GPRASP3: variants seen among roughly 807,000 people sequenced by gnomAD.
The protein encoded by GPRASP3 is G protein-coupled receptor associated sorting protein 3.
the GPRASP3 span, chrX:102,748,832 G>A: frequency 6.0e-6 from 3 of 502,879 alleles, no homozygotes; most frequent in Non-Finnish European, 9.8e-6. Flanking sequence ...GACAGAGGCT[G>A]TATGTTTGGA....
the GPRASP3 span, among the ~76,000 whole-genome samples, chrX:102,721,370 G>A: frequency 2.7e-5 from 3 of 111,757 alleles, no homozygotes; most frequent in African/African-American, 9.8e-5. Context: ...GCAGTATTCA[G>A]GCAGTGGGGA....
the GPRASP3 span, among the ~76,000 whole-genome samples, chrX:102,744,888 A>G: frequency 3.6e-5 from 4 of 111,827 alleles, no homozygotes; most frequent in Non-Finnish European, 7.5e-5. Flanking sequence ...ACCGTCTACA[A>G]TGTGCTGAGA....
the GPRASP3 span, among the ~76,000 whole-genome samples, chrX:102,740,704 C>T: frequency 9.1e-6 from 1 of 109,910 alleles, no homozygotes; most frequent in East Asian, 2.8e-4. Context: ...CAGGATACCA[C>T]AGAGAAGGAA....
the GPRASP3 span, among the ~76,000 whole-genome samples, chrX:102,738,816 G>A: frequency 4.5e-5 from 5 of 111,923 alleles, no homozygotes; most frequent in Admixed American, 3.8e-4. Context: ...TTTTGCCAAG[G>A]TTGAGGACAC....
At chrX:102,727,175 G>A in the GPRASP3 span, among the ~76,000 whole-genome samples, 3 of 112,541 alleles carry the variant, frequency 2.7e-5, no homozygotes, top group East Asian at 2.8e-4. Context: ...AAGTACTGAC[G>A]TAGGGCAGCC....
chrX:102,728,318 C>T, the GPRASP3 span, among the ~76,000 whole-genome samples: 1 of 111,600 alleles, frequency 9.0e-6, no homozygotes, highest in South Asian at 3.8e-4. Context: ...TCCCAAAGTG[C>T]TGGAATCACA....
At chrX:102,728,912 A>G in the GPRASP3 span, among the ~76,000 whole-genome samples, 1 of 112,048 alleles carries the variant, frequency 8.9e-6, no homozygotes, top group African/African-American at 3.3e-5. Context: ...GGCATAGGAC[A>G]GTTGACTACC....
chrX:102,721,778 C>A, the GPRASP3 span, among the ~76,000 whole-genome samples: 7 of 111,105 alleles, frequency 6.3e-5, no homozygotes, highest in African/African-American at 2.3e-4. Context: ...GGATAGTCTC[C>A]TAAGTTTCCC....
chrX:102,745,380 A>T, the GPRASP3 span, among the ~76,000 whole-genome samples: 19 of 111,609 alleles, frequency 1.7e-4, no homozygotes, highest in African/African-American at 6.2e-4. Flanking sequence ...CTTCTGTTAG[A>T]AGAGGGGCAG....
the GPRASP3 span, among the ~76,000 whole-genome samples, chrX:102,724,718 G>GGTGTGTGTGTGTGTGT: frequency 7.1e-5 from 7 of 98,830 alleles, 1 homozygote; most frequent in Admixed American, 3.3e-4. Flanking sequence ...CAGGGTGACT[G>GGTGTGTGTGTGTGTGT]GTGTGTGTGT....
the GPRASP3 span, among the ~76,000 whole-genome samples, chrX:102,739,871 T>A: frequency 1.8e-5 from 2 of 111,635 alleles, no homozygotes; most frequent in Non-Finnish European, 3.8e-5. Flanking sequence ...GTGCCTTTGC[T>A]GCTGCAGAAA....
chrX:102,744,458 A>T, the GPRASP3 span, among the ~76,000 whole-genome samples: 1,230 of 111,798 alleles, frequency 0.011, 22 homozygotes, highest in African/African-American at 0.038. Context: ...AAGAATCATA[A>T]CCTAGAGTGA....
the GPRASP3 span, among the ~76,000 whole-genome samples, chrX:102,745,656 G>A: frequency 2.7e-5 from 3 of 111,435 alleles, no homozygotes; most frequent in Admixed American, 1.9e-4. Flanking sequence ...GGGGAGTTGG[G>A]GCGGGGGTGC....
At chrX:102,752,481 G>A in the GPRASP3 span, 1 of 123,136 alleles carries the variant, frequency 8.1e-6, no homozygotes, top group Non-Finnish European at 1.9e-5. Flanking sequence ...TTAACAGTTG[G>A]TATATAGTGT....
chrX:102,727,977 T>C, the GPRASP3 span, among the ~76,000 whole-genome samples: 1 of 111,442 alleles, frequency 9.0e-6, no homozygotes, highest in African/African-American at 3.3e-5. Context: ...ATCTGGGTAC[T>C]CCCAACTCTT....
chrX:102,749,421 T>G, the GPRASP3 span: 1 of 1,211,771 alleles, frequency 8.3e-7, no homozygotes, highest in Non-Finnish European at 1.1e-6. Flanking sequence ...AACCTGAAAT[T>G]GGTGCCCAGG....
the GPRASP3 span, among the ~76,000 whole-genome samples, chrX:102,735,719 G>A: frequency 3.6e-5 from 4 of 112,203 alleles, no homozygotes; most frequent in South Asian, 1.5e-3. Context: ...AATCTCTTTT[G>A]CAATATATTT....
At chrX:102,751,064 T>A in the GPRASP3 span, 6 of 127,783 alleles carry the variant, frequency 4.7e-5, no homozygotes, top group Non-Finnish European at 8.9e-5. Flanking sequence ...CATGGCCAAA[T>A]GTGCGCACTC....
chrX:102,750,546 C>T, the GPRASP3 span: 1 of 1,206,749 alleles, frequency 8.3e-7, no homozygotes, highest in Non-Finnish European at 1.1e-6. Flanking sequence ...AGGAGCATAT[C>T]AGAAAAGGCT....
Sources: gnomAD v4.1 joint callset for allele counts (sites outside exome capture counted in the v4.1 genomes callset) on GRCh38, gnomAD v4.1.1 for gene constraint, MANE v1.5 for transcripts, NCBI Gene and HGNC (gene_info 2026-07-23, HGNC 2026-07-21) for gene names.